EP400: variants seen among roughly 807,000 people sequenced by gnomAD.
EP400 encodes the protein E1A binding protein p400.
A neutral mutation model predicts 354.1 loss-of-function variants in EP400; 105 were observed. The observed-to-expected ratio is 0.30, with a 90% CI of 0.25 to 0.35. The LOEUF is 0.35. EP400 is among the 10% of genes least tolerant of loss of function. EP400 has a pLI of 1.00. For synonymous variants in EP400, 1,646 were observed against 1,716.9 expected (o/e 0.96, Z 1.02); for missense variants, 3,280 against 4,121.0 (o/e 0.80, Z 5.59).
chr12:131,966,292 A>C (rs1892077437), intron 2 of EP400, among the ~76,000 whole-genome samples: 1 of 151,946 alleles, frequency 6.6e-6, no homozygotes, highest in Non-Finnish European at 1.5e-5. Context: ...ACCAGCCTGG[A>C]CTAGGCATGA....
intron 12 of EP400, among the ~76,000 whole-genome samples, chr12:132,004,655 T>C (rs1479819441): frequency 6.6e-6 from 1 of 152,224 alleles, no homozygotes; most frequent in Non-Finnish European, 1.5e-5. Flanking sequence ...TCAAAGATTC[T>C]CATCTTTATA....
intron 1 of EP400, among the ~76,000 whole-genome samples, chr12:131,957,125 C>A (rs1345516611): frequency 6.6e-6 from 1 of 152,104 alleles, no homozygotes; most frequent in Non-Finnish European, 1.5e-5. Context: ...CCCACCTCAG[C>A]CTCCCAAAGT....
At chr12:131,979,357 G>A (rs1892602084) in intron 2 of EP400, among the ~76,000 whole-genome samples, 6 of 152,094 alleles carry the variant, frequency 3.9e-5, no homozygotes, top group Admixed American at 3.3e-4. Flanking sequence ...CTGATGAGTC[G>A]GCTGAGATTT....
intron 25 of EP400, among the ~76,000 whole-genome samples, chr12:132,026,249 G>C (rs921153608): frequency 3.9e-5 from 6 of 152,162 alleles, no homozygotes; most frequent in Non-Finnish European, 5.9e-5. Flanking sequence ...CTTGGCCCCA[G>C]GTCTCTCTGG....
At chr12:131,962,227 C>T (rs1288932414) in intron 2 of EP400, among the ~76,000 whole-genome samples, 1 of 152,180 alleles carries the variant, frequency 6.6e-6, no homozygotes, top group Non-Finnish European at 1.5e-5. Flanking sequence ...TTTCATTGAG[C>T]ACCAAGGATT....
rs1279826572 is a variant in EP400 at position 132,070,127 on chromosome 12, C to T, written c.9021+486C>T. ...CCTCCCAGAGCTTATGGAGTTACCT[C>T]CCTGCATCCTTCTCTAAGAGCGGGG... On this transcript the variant is annotated intron_variant, in intron 51 of 52. Transcript: ENST00000389561. The surrounding 1 kb of genome is among the most constrained non-coding windows in gnomAD (Gnocchi z 4.1). Among the ~76,000 whole-genome samples, 4 of 152,142 alleles carry T rather than the reference C, an allele frequency of 2.6e-5. No homozygotes were observed. Among genetic ancestry groups the T allele is most frequent in the Admixed American group, 6.5e-5 (1 of 15,278 alleles).
chr12:132,076,184 A>G (rs1727084295), intron 51 of EP400: 1 of 403,694 alleles, frequency 2.5e-6, no homozygotes, highest in Non-Finnish European at 4.7e-6. Flanking sequence ...GGGACTCACA[A>G]GACGCTCAAA....
Position 132,017,230 on chromosome 12 carries a change from T to C in EP400, c.3924-305T>C, listed in dbSNP as rs889143809. On this transcript the variant is annotated intron_variant, in intron 19 of 52. Coordinates refer to ENST00000389561, the MANE Select transcript of EP400 (RefSeq NM_015409.5). The surrounding 1 kb of genome is among the most constrained non-coding windows in gnomAD (Gnocchi z 5.0). ...GCGCTCACCCTGCCCCTCACTTTGC[T>C]CATCCCCCTTGGATGCCCCCACTTC... Among the ~76,000 whole-genome samples, 8 of 152,238 alleles carry C rather than the reference T, an allele frequency of 5.3e-5. No individual in the cohort carries two copies. The highest frequency in any genetic ancestry group is 4.6e-4 in the Admixed American group (7 of 15,280).
At chr12:131,995,073 A>C in intron 12 of EP400, 117 bp downstream of exon 12, 1 of 995,990 alleles carries the variant, frequency 1.0e-6, no homozygotes, top group Non-Finnish European at 1.5e-6. Context: ...TTTATGGAAA[A>C]CAGTCCCTGT....
At position 132,031,663 on chromosome 12, in the gene EP400, C is replaced by G. The variant is rs549325244; in HGVS notation, c.5755-290C>G. On this transcript the variant is annotated intron_variant, in intron 29 of 52. Coordinates refer to ENST00000389561, the MANE Select transcript of EP400 (RefSeq NM_015409.5). ...AGGCTCCTCCCGGGTTCACGCCATTCTCCTGCCACAGCCTCCCAAGTAGCT... is the reference window on the plus strand; with the variant it reads ...AGGCTCCTCCCGGGTTCACGCCATTGTCCTGCCACAGCCTCCCAAGTAGCT... 1.2e-4 allele frequency among the ~76,000 whole-genome samples: 18 copies of G among 152,322 alleles called. No homozygotes were observed. In the East Asian group the frequency reaches 3.5e-3, roughly 29 times the overall value.
intron 1 of EP400, among the ~76,000 whole-genome samples, chr12:131,953,180 G>T (rs1401778192): frequency 6.6e-6 from 1 of 152,196 alleles, no homozygotes; most frequent in Non-Finnish European, 1.5e-5. Context: ...TCTGTGTACA[G>T]CTGTAGTATT....
intron 12 of EP400, among the ~76,000 whole-genome samples, chr12:132,001,252 A>G (rs530248519): frequency 6.6e-6 from 1 of 152,148 alleles, no homozygotes; most frequent in Non-Finnish European, 1.5e-5. Context: ...CAAAAGGGGC[A>G]GGGTAAATAG....
At chr12:132,066,151 T>C (rs1328605549) in intron 48 of EP400, 1 of 152,240 alleles carries the variant, frequency 6.6e-6, no homozygotes, top group Non-Finnish European at 1.5e-5. Context: ...ATAATTCATG[T>C]CATTTTTGCA....
intron 45 of EP400, among the ~76,000 whole-genome samples, chr12:132,059,230 A>G (rs944323792): frequency 3.3e-5 from 5 of 152,110 alleles, no homozygotes; most frequent in African/African-American, 1.2e-4. Context: ...CTAAAAAGGA[A>G]ACTATTGATA....
At chr12:132,008,778 T>G (rs1048596508) in intron 15 of EP400, among the ~76,000 whole-genome samples, 2 of 151,454 alleles carry the variant, frequency 1.3e-5, no homozygotes, top group African/African-American at 4.8e-5. Context: ...TCACTATGCC[T>G]GGCTAATTTT....
chr12:132,035,696 G>T (rs1360409715), intron 30 of EP400, among the ~76,000 whole-genome samples: 1 of 143,336 alleles, frequency 7.0e-6, no homozygotes, highest in Non-Finnish European at 1.5e-5. Context: ...TCATGGAAGG[G>T]CACACCCAGG....
At chr12:132,024,009 C>A in intron 24 of EP400, 68 bp downstream of exon 24, 1 of 1,444,676 alleles carries the variant, frequency 6.9e-7, no homozygotes, top group Non-Finnish European at 9.2e-7. Context: ...AGCCCTGCTG[C>A]CCACGGGCCT....
At chr12:132,069,784 C>T (rs1273878819) in intron 51 of EP400, 143 bp downstream of exon 51, 4 of 1,267,772 alleles carry the variant, frequency 3.2e-6, no homozygotes, top group Non-Finnish European at 4.3e-6. Flanking sequence ...CTCCTGGCCT[C>T]AGGTTTCAAC....
intron 12 of EP400, 90 bp from the exon 13 acceptor site, chr12:132,004,987 A>T: frequency 1.1e-6 from 1 of 951,684 alleles, no homozygotes; most frequent in East Asian, 2.6e-5. Context: ...TGCCCTTCTT[A>T]CCGTGGTTCT....
Sources: gnomAD v4.1 joint callset for allele counts (sites outside exome capture counted in the v4.1 genomes callset) on GRCh38, gnomAD v4.1.1 for gene constraint, Gnocchi (gnomAD v3.1) non-coding constraint, MANE v1.5 for transcripts, NCBI Gene and HGNC (gene_info 2026-07-23, HGNC 2026-07-21) for gene names.